DROSHA: variants seen among roughly 807,000 people sequenced by gnomAD.
The protein encoded by DROSHA is ribonuclease 3.
In DROSHA, 56 loss-of-function variants were observed where a neutral mutation model predicts 181.9. The observed-to-expected ratio is 0.31, with a 90% CI of 0.25 to 0.38. The LOEUF (loss-of-function observed/expected upper bound fraction) is 0.38. DROSHA is among the 10% of genes least tolerant of loss of function. The pLI is 1.00. For missense variants in DROSHA, 1,218 were observed against 1,743.5 expected, an observed-to-expected ratio of 0.70 and a Z score of 5.37; for synonymous variants, 524 against 591.2, an observed-to-expected ratio of 0.89 and a Z score of 1.65.
chr5:31,429,476 G>T lies in DROSHA; in HGVS notation c.3215C>A (p.Pro1072Gln). Residue 1072 changes from proline to glutamine, a missense_variant and splice_region_variant, in exon 27 of 36, where the codon CCG becomes CAG. Transcript: ENST00000344624. ...AATCAAATGATTCCATAGAAATACCGGATCATTAAAGAGCAAGCGTCCAAA... is the reference window on the plus strand; with the variant it reads ...AATCAAATGATTCCATAGAAATACCTGATCATTAAAGAGCAAGCGTCCAAA... ...QLFGRLLFND[P>Q]DLREVWLNYP... 1 of 1,608,952 alleles carries T rather than the reference G, an allele frequency of 6.2e-7. No homozygotes were observed. The highest frequency in any genetic ancestry group is 1.1e-5 in the South Asian group (1 of 89,830).
At chr5:31,422,160 A>G (rs1742834662) in intron 29 of DROSHA, among the ~76,000 whole-genome samples, 1 of 151,888 alleles carries the variant, frequency 6.6e-6, no homozygotes, top group South Asian at 2.1e-4. Context: ...GCTGGAATCC[A>G]AATTTTAAAA....
chr5:31,411,068 C>G lies in DROSHA; in HGVS notation c.3526-181G>C. On this transcript the variant is annotated intron_variant, in intron 30 of 35. Coordinates refer to ENST00000344624, the MANE Select transcript of DROSHA (RefSeq NM_001382508.1). The surrounding 1 kb of genome is among the most constrained non-coding windows in gnomAD (Gnocchi z 4.2). ...ATGCTCCATGCCCATTTACCTTCTC[C>G]TTAATAACGTACTCCACTCTACTAT... 6.6e-6 allele frequency among the ~76,000 whole-genome samples: 1 copy of G among 152,178 alleles called. No homozygotes were observed. Among genetic ancestry groups the G allele is most frequent in the South Asian group, 2.1e-4 (1 of 4,828 alleles).
At chr5:31,408,976 A>T in intron 33 of DROSHA, 80 bp downstream of exon 33, 58 of 1,228,584 alleles carry the variant, frequency 4.7e-5, no homozygotes, top group Non-Finnish European at 6.4e-5. Flanking sequence ...CCCCACAATG[A>T]CTCATTCTTC....
At chr5:31,416,849 A>C (rs1742010079) in intron 30 of DROSHA, among the ~76,000 whole-genome samples, 1 of 152,158 alleles carries the variant, frequency 6.6e-6, no homozygotes, top group African/African-American at 2.4e-5. Context: ...GCAACTGTAG[A>C]GAGTTAAGCT....
intron 12 of DROSHA, 101 bp downstream of exon 12, chr5:31,495,185 A>C: frequency 7.6e-7 from 1 of 1,315,296 alleles, no homozygotes; most frequent in Middle Eastern, 1.9e-4. Flanking sequence ...AATATTTTTC[A>C]AAGTAAGAAC....
chr5:31,408,275 G>A (rs1245501863), intron 33 of DROSHA, among the ~76,000 whole-genome samples: 3 of 152,134 alleles, frequency 2.0e-5, no homozygotes, highest in Admixed American at 6.5e-5. Flanking sequence ...GCATCCACAT[G>A]GGGTGAAACA....
intron 20 of DROSHA, among the ~76,000 whole-genome samples, chr5:31,457,617 C>T (rs1747829414): frequency 1.3e-5 from 2 of 152,244 alleles, no homozygotes; most frequent in African/African-American, 2.4e-5. Context: ...AGGCCAGGCA[C>T]AGTGGCTCAT....
intron 35 of DROSHA, among the ~76,000 whole-genome samples, chr5:31,403,666 T>C (rs184837820): frequency 3.7e-4 from 57 of 152,340 alleles, no homozygotes; most frequent in Admixed American, 7.2e-4. Context: ...TAAATTTTTA[T>C]TGGCAGACAG....
In DROSHA at chr5:31,484,900, T is replaced by C. The variant is rs2150037508; in HGVS notation, c.1977A>G (p.Leu659=). 6.5e-7 allele frequency: 1 copy of C among 1,546,700 alleles called. No homozygotes were observed. Among genetic ancestry groups the C allele is most frequent in the South Asian group, 1.2e-5 (1 of 82,666 alleles). Residue 659 remains leucine (L), a synonymous_variant, in exon 15 of 36, where the codon TTA becomes TTG. Transcript: ENST00000344624. ...SLFLFRDILE[L]YDWNLKGPLF... ...ACTTACCTTTAAGATTCCAGTCATA[T>C]AATTCCAAAATATCTCTGAATAGGA...
chr5:31,457,332 C>T (rs1048797156), intron 20 of DROSHA, among the ~76,000 whole-genome samples: 3 of 151,934 alleles, frequency 2.0e-5, no homozygotes, highest in East Asian at 2.0e-4. Context: ...ACCATGTTGG[C>T]CAGGCTGGTC....
rs755248297 is a variant in DROSHA, at chr5:31,424,397, G to A, written c.3261+30C>T. On this transcript the variant is annotated intron_variant, in intron 28 of 35. Coordinates refer to ENST00000344624, the MANE Select transcript of DROSHA (RefSeq NM_001382508.1). ...TAACATGAATAGCTGGAGTTATAAA[G>A]CTCACTGCAGACAGGGAGGTCATAC... 1.4e-5 allele frequency: 22 copies of A among 1,589,324 alleles called. No homozygotes were observed. The South Asian group carries it at 2.3e-4, about 17-fold the overall frequency.
chr5:31,513,777 G>A (rs1311347769), intron 8 of DROSHA, among the ~76,000 whole-genome samples: 1 of 152,032 alleles, frequency 6.6e-6, no homozygotes, highest in Non-Finnish European at 1.5e-5. Context: ...TTTCATGCCC[G>A]AAATCTGCAC....
intron 16 of DROSHA, among the ~76,000 whole-genome samples, chr5:31,477,333 T>C (rs1750501775): frequency 6.6e-6 from 1 of 152,050 alleles, no homozygotes; most frequent in South Asian, 2.1e-4. Context: ...CTTTAAGAAA[T>C]ACAAAAATAT....
chr5:31,408,131 G>A (rs752624804), intron 33 of DROSHA, among the ~76,000 whole-genome samples: 21 of 152,188 alleles, frequency 1.4e-4, no homozygotes, highest in South Asian at 2.1e-4. Context: ...ATAAAAACAT[G>A]CGAAAGGATT....
At chr5:31,418,283 C>G (rs1383471840) in intron 30 of DROSHA, among the ~76,000 whole-genome samples, 1 of 150,606 alleles carries the variant, frequency 6.6e-6, no homozygotes, top group Non-Finnish European at 1.5e-5. Flanking sequence ...GAGAGAGACA[C>G]AGAGAGAGAG....
intron 35 of DROSHA, among the ~76,000 whole-genome samples, chr5:31,403,275 G>A (rs1433295584): frequency 6.6e-6 from 1 of 152,104 alleles, no homozygotes; most frequent in Non-Finnish European, 1.5e-5. Context: ...AAACTCTACT[G>A]TAAAATCAAA....
chr5:31,428,755 G>T (rs1580057567), intron 27 of DROSHA, among the ~76,000 whole-genome samples: 1 of 152,150 alleles, frequency 6.6e-6, no homozygotes, highest in East Asian at 1.9e-4. Flanking sequence ...GCTCCATGAG[G>T]GCTATTTCAT....
At chr5:31,519,221 A>C (rs1446766711) in intron 6 of DROSHA, among the ~76,000 whole-genome samples, 1 of 152,198 alleles carries the variant, frequency 6.6e-6, no homozygotes, top group African/African-American at 2.4e-5. Context: ...GGCTATTTCC[A>C]GCACTTATAC....
In DROSHA at chr5:31,464,311, T is replaced by C; in HGVS notation, c.2499A>G (p.Thr833=). The change falls in exon 20 of 36, where the codon ACA becomes ACG. Residue 833 remains threonine, a synonymous_variant. Coordinates refer to ENST00000344624, the MANE Select transcript of DROSHA (RefSeq NM_001382508.1). ...GCTCCACCGTTACTTCTCGTCTCATTGTATTCTTCTGCCGTATTTTTTGGA... is the reference window on the plus strand; with the variant it reads ...GCTCCACCGTTACTTCTCGTCTCATCGTATTCTTCTGCCGTATTTTTTGGA... ...EALQKIRQKN[T]MRREVTVELS... is the part of the protein sequence containing the mutation. 3 of 1,613,366 alleles carry C rather than the reference T, an allele frequency of 1.9e-6. No homozygotes were observed. The highest frequency in any genetic ancestry group is 2.5e-6 in the Non-Finnish European group (3 of 1,179,616).
Sources: allele counts gnomAD v4.1 joint callset (sites outside exome capture counted in the v4.1 genomes callset), GRCh38; gene constraint gnomAD v4.1.1; non-coding constraint Gnocchi (gnomAD v3.1); transcripts MANE v1.5; gene names NCBI Gene and HGNC (gene_info 2026-07-23, HGNC 2026-07-21).